CPNE8: variants seen among roughly 807,000 people sequenced by gnomAD.
The protein encoded by CPNE8 is copine-8.
In CPNE8, 45 loss-of-function variants were observed where a neutral mutation model predicts 81.5. That is an observed-to-expected ratio of 0.55 (90% CI 0.44 to 0.71). The LOEUF (loss-of-function observed/expected upper bound fraction) is 0.71, where lower values mean the gene tolerates loss of function less well. Ranked by LOEUF, CPNE8 falls within the 30% of genes least tolerant of loss-of-function variation. The pLI is 0.00. For missense variants in CPNE8, 594 were observed against 672.1 expected, an observed-to-expected ratio of 0.88 and a Z score of 1.28; for synonymous variants, 252 against 226.3, an observed-to-expected ratio of 1.11 and a Z score of -1.02.
chr12:38,876,237 A>T (rs1944064284), intron 1 of CPNE8, among the ~76,000 whole-genome samples: 1 of 151,980 alleles, frequency 6.6e-6, no homozygotes, highest in Admixed American at 6.5e-5. Flanking sequence ...TTTTGAGACG[A>T]ACTTTCACTC....
At chr12:38,808,442 A>G (rs1476575690) in intron 6 of CPNE8, among the ~76,000 whole-genome samples, 1 of 152,060 alleles carries the variant, frequency 6.6e-6, no homozygotes, top group Non-Finnish European at 1.5e-5. Flanking sequence ...TGATGAGTTC[A>G]TGTCTTTGTA....
At position 38,671,633 on chromosome 12, in the gene CPNE8, A is replaced by G. The variant is rs77272737; in HGVS notation, c.1433-831T>C. On this transcript the variant is annotated intron_variant, in intron 18 of 19. Coordinates refer to ENST00000331366, the MANE Select transcript of CPNE8 (RefSeq NM_153634.3). ...TGATAATTCATTTTGTATACACATG[A>G]CATTCACCAGACTCCAGAGAGCCGC... Among the ~76,000 whole-genome samples, 111 of 152,252 alleles carry G rather than the reference A, an allele frequency of 7.3e-4. 1 individual carries two copies. The East Asian group carries it at 0.02, about 27-fold the overall frequency.
At chr12:38,777,150 T>C (rs746698816) in intron 6 of CPNE8, among the ~76,000 whole-genome samples, 7 of 152,126 alleles carry the variant, frequency 4.6e-5, no homozygotes, top group African/African-American at 1.7e-4. Context: ...CCTGAAGGTT[T>C]TCCAGTGGGA....
chr12:38,715,810 A>C (rs1472758665), intron 13 of CPNE8, among the ~76,000 whole-genome samples: 1 of 152,120 alleles, frequency 6.6e-6, no homozygotes, highest in Non-Finnish European at 1.5e-5. Flanking sequence ...AGACAAGAGA[A>C]AGAAATAAAG....
At chr12:38,715,316 G>A (rs1259197982) in intron 13 of CPNE8, among the ~76,000 whole-genome samples, 1 of 152,056 alleles carries the variant, frequency 6.6e-6, no homozygotes, top group Non-Finnish European at 1.5e-5. Context: ...TTTGGATTAA[G>A]CAGAGCTAGC....
At chr12:38,747,660 T>A (rs1255892162) in intron 10 of CPNE8, among the ~76,000 whole-genome samples, 1 of 152,172 alleles carries the variant, frequency 6.6e-6, no homozygotes, top group East Asian at 1.9e-4. Flanking sequence ...ATTAGCCACC[T>A]GCATTCACTG....
chr12:38,770,610 C>T (rs1056387105), intron 7 of CPNE8, among the ~76,000 whole-genome samples: 3 of 152,118 alleles, frequency 2.0e-5, no homozygotes, highest in Non-Finnish European at 4.4e-5. Context: ...TAACATGGTC[C>T]GCAAAGGCCA....
chr12:38,672,203 G>T (rs967412258), intron 18 of CPNE8, among the ~76,000 whole-genome samples: 1 of 152,134 alleles, frequency 6.6e-6, no homozygotes, highest in African/African-American at 2.4e-5. Context: ...ACAAGAATTA[G>T]ATGATAATCT....
chr12:38,742,685 A>AATAT (rs1463346865), intron 10 of CPNE8, among the ~76,000 whole-genome samples: 3 of 108,978 alleles, frequency 2.8e-5, no homozygotes, highest in Non-Finnish European at 6.4e-5. Flanking sequence ...TAAATAAATA[A>AATAT]ATAAATAAAT....
rs767314736 is a variant in CPNE8, at chr12:38,693,716, C to T, written c.1084G>A (p.Ala362Thr). ...QDYDSDKMFP[A>T]LGFGAKLPPD... is the part of the protein sequence containing the mutation. ...GGCAGTTTTGCACCAAATCCTAGAGCTGGAAACATTTTATCACTGTCATAA... is the reference window on the plus strand; with the variant it reads ...GGCAGTTTTGCACCAAATCCTAGAGTTGGAAACATTTTATCACTGTCATAA... Residue 362 changes from alanine to threonine, a missense_variant, in exon 15 of 20, where the codon GCT becomes ACT. Transcript: ENST00000331366. 4.3e-6 allele frequency: 7 copies of T among 1,613,532 alleles called. No homozygotes were observed. Among genetic ancestry groups the T allele is most frequent in the Non-Finnish European group, 5.1e-6 (6 of 1,179,668 alleles).
At chr12:38,893,414 C>A (rs982659386) in intron 1 of CPNE8, among the ~76,000 whole-genome samples, 1 of 130,704 alleles carries the variant, frequency 7.7e-6, no homozygotes, top group African/African-American at 2.9e-5. Flanking sequence ...CTGCTACACT[C>A]CCACCAGCGC....
intron 3 of CPNE8, among the ~76,000 whole-genome samples, chr12:38,867,078 C>CT (rs1411487443): frequency 6.6e-6 from 1 of 152,044 alleles, no homozygotes; most frequent in Non-Finnish European, 1.5e-5. Flanking sequence ...AGGCTGGTCT[C>CT]TAACTCCTGA....
intron 3 of CPNE8, among the ~76,000 whole-genome samples, chr12:38,865,435 A>G (rs1246754664): frequency 2.0e-5 from 3 of 152,244 alleles, no homozygotes; most frequent in Non-Finnish European, 1.5e-5. Context: ...CATAAAATAG[A>G]GAACCATGCA....
chr12:38,798,552 C>G (rs1300102115), intron 6 of CPNE8, among the ~76,000 whole-genome samples: 1 of 151,978 alleles, frequency 6.6e-6, no homozygotes, highest in East Asian at 1.9e-4. Context: ...GAAGGAAGCA[C>G]TAAACATGGA....
intron 6 of CPNE8, among the ~76,000 whole-genome samples, chr12:38,790,683 T>C (rs1176475467): frequency 3.3e-5 from 5 of 151,746 alleles, no homozygotes; most frequent in Non-Finnish European, 7.4e-5. Context: ...ACACATTGCA[T>C]GCCTATATCA....
chr12:38,820,855 G>C (rs1051179559), intron 6 of CPNE8, among the ~76,000 whole-genome samples: 2 of 152,162 alleles, frequency 1.3e-5, no homozygotes, highest in Admixed American at 1.3e-4. Context: ...AAAAATGGAT[G>C]ATCTTCCTTT....
At position 38,725,001 on chromosome 12, in the gene CPNE8, T is replaced by C. The variant is rs572858397; in HGVS notation, c.799-102A>G. The C allele has an allele frequency of 1.0e-4, 103 of 998,922 alleles. No homozygotes were observed. The African/African-American group carries it at 1.5e-3, about 15-fold the overall frequency. The allele number at this position is 998,922 out of a possible 1,614,324, so 61.9% of individuals were successfully genotyped here. On this transcript the variant is annotated intron_variant, in intron 11 of 19. Coordinates refer to ENST00000331366, the MANE Select transcript of CPNE8 (RefSeq NM_153634.3). ...AGTTTAACCTGCTGCCTTCCCTTCT[T>C]ATGCATGTATTCATTTACAAATGCT...
At chr12:38,773,643 C>T (rs1941857860) in intron 7 of CPNE8, among the ~76,000 whole-genome samples, 1 of 151,936 alleles carries the variant, frequency 6.6e-6, no homozygotes, top group Non-Finnish European at 1.5e-5. Flanking sequence ...ACTGACAACT[C>T]GTTTTAAAGA....
At chr12:38,834,711 A>G (rs1276804575) in intron 5 of CPNE8, among the ~76,000 whole-genome samples, 1 of 152,104 alleles carries the variant, frequency 6.6e-6, no homozygotes, top group East Asian at 1.9e-4. Flanking sequence ...TCCTCCAGTG[A>G]TATCCATCCA....
Sources: gnomAD v4.1 joint callset for allele counts (sites outside exome capture counted in the v4.1 genomes callset) on GRCh38, gnomAD v4.1.1 for gene constraint, MANE v1.5 for transcripts, NCBI Gene and HGNC (gene_info 2026-07-23, HGNC 2026-07-21) for gene names.